DPYD: variants seen among roughly 807,000 people sequenced by gnomAD.
DPYD encodes dihydropyrimidine dehydrogenase.
A neutral mutation model predicts 116.2 loss-of-function variants in DPYD; 109 were observed. The observed-to-expected ratio is 0.94, with a 90% CI of 0.80 to 1.10. The LOEUF is 1.10. Among genes scored for constraint, DPYD ranks in the 50% least tolerant of loss-of-function variants. The probability of loss-of-function intolerance (pLI) is 0.00; values close to 1 mark genes in which losing one functional copy is unlikely to be tolerated. For missense variants in DPYD, 1,302 were observed against 1,254.5 expected (o/e 1.04, Z -0.57); for synonymous variants, 440 against 432.0 (o/e 1.02, Z -0.23).
chr1:97,289,214 G>A (rs996601459), intron 18 of DPYD, among the ~76,000 whole-genome samples: 3 of 151,778 alleles, frequency 2.0e-5, no homozygotes, highest in Non-Finnish European at 4.4e-5. Flanking sequence ...CAACCAAAAA[G>A]AGTCCAGGAC....
At chr1:97,581,844 A>C (rs563423982) in intron 10 of DPYD, among the ~76,000 whole-genome samples, 1 of 152,108 alleles carries the variant, frequency 6.6e-6, no homozygotes, top group Non-Finnish European at 1.5e-5. Flanking sequence ...GAAAGGAATT[A>C]GTTACTAGGA....
intron 8 of DPYD, among the ~76,000 whole-genome samples, chr1:97,610,164 T>A (rs1049903102): frequency 2.0e-5 from 3 of 152,034 alleles, no homozygotes; most frequent in Non-Finnish European, 2.9e-5. Flanking sequence ...AAATTTAAAC[T>A]ATAACTGTCC....
intron 8 of DPYD, among the ~76,000 whole-genome samples, chr1:97,628,952 A>T (rs1344327841): frequency 6.6e-6 from 1 of 152,056 alleles, no homozygotes; most frequent in South Asian, 2.1e-4. Flanking sequence ...CATGCTAAAT[A>T]AAAGAACCCA....
chr1:97,569,814 A>G (rs757422687), intron 11 of DPYD, among the ~76,000 whole-genome samples: 1 of 152,070 alleles, frequency 6.6e-6, no homozygotes, highest in African/African-American at 2.4e-5. Context: ...TGATCGGCAC[A>G]TAACATATTC....
rs1315995523 is a variant in DPYD, at chr1:97,468,076, T to C, written c.1741-17853A>G. Among the ~76,000 whole-genome samples, 4 of 152,332 alleles carry C rather than the reference T, an allele frequency of 2.6e-5. No individual in the cohort carries two copies. In the East Asian group the frequency reaches 5.8e-4, roughly 22 times the overall value. The stretch of plus-strand genomic sequence containing the variant: ...CTGTCACAACTATTCAGCTCTGCTA[T>C]TGTCACAGGAAGGTAGTCATAGACA... On this transcript the variant is annotated intron_variant, in intron 13 of 22. Transcript: ENST00000370192.
chr1:97,212,602 G>A lies in DPYD; in HGVS notation c.2443-19354C>T, dbSNP rs558589850. On this transcript the variant is annotated intron_variant, in intron 19 of 22. Coordinates refer to ENST00000370192, the MANE Select transcript of DPYD (RefSeq NM_000110.4). ...ATAGATGATGTGGAGTGGAATTTCCGGATTGTATGGTACATTTTTGTAACA... is the reference window on the plus strand; with the variant it reads ...ATAGATGATGTGGAGTGGAATTTCCAGATTGTATGGTACATTTTTGTAACA... Among the ~76,000 whole-genome samples, 9 of 152,070 alleles carry A rather than the reference G, an allele frequency of 5.9e-5. No homozygotes were observed. The East Asian group carries it at 9.7e-4, about 16-fold the overall frequency.
intron 13 of DPYD, 80 bp downstream of exon 13, chr1:97,515,646 A>C (rs923660943): frequency 1.1e-5 from 14 of 1,302,196 alleles, no homozygotes; most frequent in Admixed American, 2.1e-5. Flanking sequence ...TTCTTAGTAA[A>C]AAAAATCCAT....
chr1:97,471,842 G>A (rs537600007), intron 13 of DPYD, among the ~76,000 whole-genome samples: 12 of 152,078 alleles, frequency 7.9e-5, no homozygotes, highest in South Asian at 2.1e-4. Context: ...TGCACATCTC[G>A]GCCTCCCAAA....
chr1:97,720,079 C>T lies in DPYD; in HGVS notation c.483+1431G>A. 5 of 984,556 alleles carry T rather than the reference C, an allele frequency of 5.1e-6. No homozygotes were observed. The South Asian group carries it at 1.9e-4, about 37-fold the overall frequency. 61.0% of individuals were successfully genotyped at this position (984,556 alleles called of 1,614,324 possible). ...AAGAGTTCCCAGAGGGACAGTGTTCCCAGAGAAAAGAATTAAAACCATGTG... is the reference window on the plus strand; with the variant it reads ...AAGAGTTCCCAGAGGGACAGTGTTCTCAGAGAAAAGAATTAAAACCATGTG... On this transcript the variant is annotated intron_variant, in intron 5 of 22. Coordinates refer to ENST00000370192, the MANE Select transcript of DPYD (RefSeq NM_000110.4).
chr1:97,718,004 C>A (rs543430202), intron 5 of DPYD, among the ~76,000 whole-genome samples: 1 of 152,070 alleles, frequency 6.6e-6, no homozygotes, highest in South Asian at 2.1e-4. Context: ...ATTGCTGGAT[C>A]CAACGTTAGA....
intron 3 of DPYD, among the ~76,000 whole-genome samples, chr1:97,793,748 A>G (rs531935953): frequency 6.6e-6 from 1 of 152,342 alleles, no homozygotes; most frequent in East Asian, 1.9e-4. Context: ...TGTAAAACAC[A>G]AAACTACACA....
At chr1:97,458,514 G>A (rs551107088) in intron 13 of DPYD, among the ~76,000 whole-genome samples, 1 of 152,124 alleles carries the variant, frequency 6.6e-6, no homozygotes, top group South Asian at 2.1e-4. Flanking sequence ...TAACTATTGG[G>A]TGGTGTTTAC....
intron 8 of DPYD, among the ~76,000 whole-genome samples, chr1:97,617,267 T>C (rs1390030886): frequency 6.6e-6 from 1 of 152,062 alleles, no homozygotes; most frequent in Non-Finnish European, 1.5e-5. Context: ...CACAAGACTG[T>C]TCTAAAATGT....
At chr1:97,102,585 T>C (rs1256612516) in intron 20 of DPYD, among the ~76,000 whole-genome samples, 1 of 150,046 alleles carries the variant, frequency 6.7e-6, no homozygotes, top group Non-Finnish European at 1.5e-5. Flanking sequence ...TATCTAAAAG[T>C]TGACTTTTTT....
intron 13 of DPYD, among the ~76,000 whole-genome samples, chr1:97,460,992 G>A (rs888048984): frequency 1.3e-5 from 2 of 150,124 alleles, no homozygotes; most frequent in African/African-American, 4.9e-5. Flanking sequence ...AGCTAAGATC[G>A]CGCCATTGCA....
At chr1:97,232,980 G>C (rs540868566) in intron 19 of DPYD, among the ~76,000 whole-genome samples, 3 of 152,208 alleles carry the variant, frequency 2.0e-5, no homozygotes, top group Admixed American at 2.0e-4. Flanking sequence ...TTGAAATCTT[G>C]ACAATTTTGG....
chr1:97,769,608 A>G (rs1571328184), intron 3 of DPYD, among the ~76,000 whole-genome samples: 1 of 152,204 alleles, frequency 6.6e-6, no homozygotes, highest in East Asian at 1.9e-4. Flanking sequence ...AAAATATTTC[A>G]AAGTGAAATG....
intron 20 of DPYD, among the ~76,000 whole-genome samples, chr1:97,126,583 G>A (rs1652857964): frequency 6.6e-6 from 1 of 152,044 alleles, no homozygotes. Flanking sequence ...CCTTCTCCAG[G>A]AAGCACTCCC....
chr1:97,779,201 C>T (rs1666588860), intron 3 of DPYD, among the ~76,000 whole-genome samples: 1 of 152,032 alleles, frequency 6.6e-6, no homozygotes, highest in African/African-American at 2.4e-5. Flanking sequence ...TAACTGATTA[C>T]ATGCTGGCAA....
Sources: gnomAD v4.1 joint callset for allele counts (sites outside exome capture counted in the v4.1 genomes callset) on GRCh38, gnomAD v4.1.1 for gene constraint, MANE v1.5 for transcripts, NCBI Gene and HGNC (gene_info 2026-07-23, HGNC 2026-07-21) for gene names.